Variants in KIRREL3 observed in about 807,000 individuals in gnomAD.
KIRREL3 encodes the protein kin of IRRE-like protein 3.
Under a neutral mutation model 89.7 loss-of-function variants are expected in KIRREL3, and 36 were observed. The observed-to-expected ratio is 0.40, with a 90% CI of 0.31 to 0.53. KIRREL3 has a LOEUF of 0.53. KIRREL3 is among the 20% of genes least tolerant of loss of function. The pLI, the probability that KIRREL3 is intolerant of heterozygous loss-of-function variation, is 0.49. For missense variants in KIRREL3, 864 were observed against 1,056.6 expected (o/e 0.82, Z 2.53); for synonymous variants, 445 against 441.4 (o/e 1.01, Z -0.10).
chr11:126,711,713 G>T (rs1947762588), intron 1 of KIRREL3, among the ~76,000 whole-genome samples: 2 of 152,176 alleles, frequency 1.3e-5, no homozygotes, highest in African/African-American at 2.4e-5. Flanking sequence ...GAGCTAAAAG[G>T]TCTGATTTAG....
In KIRREL3 at chr11:126,520,965, A is replaced by G. The variant is rs375964781; in HGVS notation, c.433+350T>C. ...AGAAGGGACCCACAGCCTGTGCCACATTCTTCCTGGCACGGAGCCTAGCCT... is the reference window on the plus strand; with the variant it reads ...AGAAGGGACCCACAGCCTGTGCCACGTTCTTCCTGGCACGGAGCCTAGCCT... On this transcript the variant is annotated intron_variant, in intron 4 of 16. Transcript: ENST00000525144. The surrounding 1 kb of genome is among the most constrained non-coding windows in gnomAD (Gnocchi z 4.9). Among the ~76,000 whole-genome samples, 170 of 152,292 alleles carry G rather than the reference A, an allele frequency of 1.1e-3. 1 individual carries two copies. Among genetic ancestry groups the G allele is most frequent in the African/African-American group, 4.0e-3 (165 of 41,568 alleles).
intron 1 of KIRREL3, among the ~76,000 whole-genome samples, chr11:126,815,213 C>A (rs1463856158): frequency 3.3e-5 from 5 of 152,194 alleles, no homozygotes; most frequent in Admixed American, 6.5e-5. Flanking sequence ...CCATAACAAC[C>A]TTTAGCACAC....
rs1184608251 is a variant in KIRREL3, at chr11:126,655,629, G to T, written c.56-92717C>A. On this transcript the variant is annotated intron_variant, in intron 1 of 16. Transcript: ENST00000525144. This position sits in a 1 kb window ranked among gnomAD's most constrained non-coding sequence, Gnocchi z 5.0. ...GCAGATCTGCAGTTTTCACAACGCA[G>T]TTGTCATCTCGGGAGCAGTGTGTGC... 6.6e-6 allele frequency among the ~76,000 whole-genome samples: 1 copy of T among 152,216 alleles called. No individual in the cohort carries two copies. Among genetic ancestry groups the T allele is most frequent in the Non-Finnish European group, 1.5e-5 (1 of 68,052 alleles).
intron 2 of KIRREL3, among the ~76,000 whole-genome samples, chr11:126,546,341 G>A (rs1198971394): frequency 1.3e-5 from 2 of 152,170 alleles, no homozygotes; most frequent in Non-Finnish European, 2.9e-5. Flanking sequence ...CTGGTAGATG[G>A]AATGGGGTCT....
intron 1 of KIRREL3, among the ~76,000 whole-genome samples, chr11:126,929,225 C>T (rs558525507): frequency 3.5e-4 from 54 of 152,244 alleles, no homozygotes; most frequent in South Asian, 3.3e-3. Context: ...AGGTCAAAGT[C>T]CCCAGGAAGT....
At chr11:126,923,231 CTTCTTCTTCTTCT>C (rs1947505851) in intron 1 of KIRREL3, among the ~76,000 whole-genome samples, 2 of 47,106 alleles carry the variant, frequency 4.2e-5, no homozygotes, top group Non-Finnish European at 8.7e-5. Context: ...TCTTCTTCTT[CTTCTTCTTCTTCT>C]TCTTCTTCTT....
intron 1 of KIRREL3, among the ~76,000 whole-genome samples, chr11:126,737,357 G>C (rs1191320881): frequency 6.6e-6 from 1 of 152,112 alleles, no homozygotes; most frequent in Non-Finnish European, 1.5e-5. Flanking sequence ...AGGCACAGTG[G>C]GCAGGGAGAG....
chr11:126,714,361 G>A (rs1947876529), intron 1 of KIRREL3, among the ~76,000 whole-genome samples: 1 of 152,246 alleles, frequency 6.6e-6, no homozygotes, highest in Non-Finnish European at 1.5e-5. Flanking sequence ...CCCAGGCCGA[G>A]CCCTGATACT....
rs1949905919 is a variant in KIRREL3, at chr11:126,987,653, G to C, written c.55+12802C>G. ...TGGAACCCAGGCATCAGCTGCCAAG[G>C]CTCTGTTGATATGACGGCATGTCCC... On this transcript the variant is annotated intron_variant, in intron 1 of 16. Transcript: ENST00000525144. This position sits in a 1 kb window ranked among gnomAD's most constrained non-coding sequence, Gnocchi z 4.6. 6.6e-6 allele frequency among the ~76,000 whole-genome samples: 1 copy of C among 152,186 alleles called. No individual in the cohort carries two copies. Among genetic ancestry groups the C allele is most frequent in the Admixed American group, 6.5e-5 (1 of 15,278 alleles).
At chr11:126,529,467 G>A (rs372734556) in intron 2 of KIRREL3, among the ~76,000 whole-genome samples, 12 of 152,192 alleles carry the variant, frequency 7.9e-5, no homozygotes, top group Non-Finnish European at 1.0e-4. Flanking sequence ...GGGGCTGAGC[G>A]GGAGAGGGCC....
rs1461162776 is a variant in KIRREL3 at position 126,892,703 on chromosome 11, G to A, written c.55+107752C>T. Among the ~76,000 whole-genome samples the A allele has an allele frequency of 1.3e-5, 2 of 152,188 alleles. No individual in the cohort carries two copies. The highest frequency in any genetic ancestry group is 4.8e-5 in the African/African-American group (2 of 41,446). On this transcript the variant is annotated intron_variant, in intron 1 of 16. Transcript: ENST00000525144. The surrounding 1 kb of genome is among the most constrained non-coding windows in gnomAD (Gnocchi z 5.4). Reference sequence around the variant, plus strand: ...GGTTGATTTCATCTCCAGTAGCCAAGTAGAAACTACAGCATGACCTGACTT... The same window carrying A: ...GGTTGATTTCATCTCCAGTAGCCAAATAGAAACTACAGCATGACCTGACTT...
rs796889853 is a variant in KIRREL3, at chr11:126,785,102, C to T, written c.55+215353G>A. On this transcript the variant is annotated intron_variant, in intron 1 of 16. Transcript: ENST00000525144. Reference sequence around the variant, plus strand: ...AGATGAAGTAGGGGAGAATCTTATACTAAACTCTACTGAATCCTCGTGGGG... The same window carrying T: ...AGATGAAGTAGGGGAGAATCTTATATTAAACTCTACTGAATCCTCGTGGGG... Among the ~76,000 whole-genome samples, 30 of 152,254 alleles carry T rather than the reference C, an allele frequency of 2.0e-4. 1 individual carries two copies. The highest frequency in any genetic ancestry group is 7.2e-4 in the African/African-American group (30 of 41,562).
rs1409053222 is a variant in KIRREL3, at chr11:126,443,660, G to A, written c.1252+1319C>T. Among the ~76,000 whole-genome samples, 1 of 152,126 alleles carries A rather than the reference G, an allele frequency of 6.6e-6. No homozygotes were observed. The highest frequency in any genetic ancestry group is 1.5e-5 in the Non-Finnish European group (1 of 68,016). On this transcript the variant is annotated intron_variant, in intron 10 of 16. Transcript: ENST00000525144. The surrounding 1 kb of genome is among the most constrained non-coding windows in gnomAD (Gnocchi z 7.3). Reference sequence around the variant, plus strand: ...GACAGTAGAGAGGTATGGCTGAGGAGACACCAAGCTGGTTTTGGTTTTCTA... The same window carrying A: ...GACAGTAGAGAGGTATGGCTGAGGAAACACCAAGCTGGTTTTGGTTTTCTA...
chr11:126,995,246 G>A lies in KIRREL3; in HGVS notation c.55+5209C>T. On this transcript the variant is annotated intron_variant, in intron 1 of 16. Coordinates refer to ENST00000525144, the MANE Select transcript of KIRREL3 (RefSeq NM_032531.4). The surrounding 1 kb of genome is among the most constrained non-coding windows in gnomAD (Gnocchi z 6.5). Reference sequence around the variant, plus strand: ...TGCTGGGATGTCCGCTGGCCTCGAGGCAAGACAAGAGCTCCAATCACTCTG... The same window carrying A: ...TGCTGGGATGTCCGCTGGCCTCGAGACAAGACAAGAGCTCCAATCACTCTG... 1 of 456,158 alleles carries A rather than the reference G, an allele frequency of 2.2e-6. No individual in the cohort carries two copies. Among genetic ancestry groups the A allele is most frequent in the Non-Finnish European group, 4.4e-6 (1 of 226,956 alleles). The allele number at this position is 456,158 out of a possible 1,614,324, so 28.3% of individuals were successfully genotyped here.
rs377273909 is a variant in KIRREL3 at position 126,449,049 on chromosome 11, G to A, written c.957C>T (p.Ala319=). Residue 319 remains alanine, a synonymous_variant, in exon 8 of 17, where the codon GCC becomes GCT. Transcript: ENST00000525144. ...TGCGGCTGAGGTTGGTGCTGCCCAGGGCGTTGGTCACCTCACAGGAGACGG... is the reference window on the plus strand; with the variant it reads ...TGCGGCTGAGGTTGGTGCTGCCCAGAGCGTTGGTCACCTCACAGGAGACGG... ...SEPVSCEVTN[A]LGSTNLSRTV... is the part of the protein sequence containing the mutation. The A allele has an allele frequency of 2.5e-6, 4 of 1,613,662 alleles. No homozygotes were observed. Among genetic ancestry groups the A allele is most frequent in the African/African-American group, 1.3e-5 (1 of 74,894 alleles).
At chr11:126,461,938 C>A (rs1956558107) in intron 6 of KIRREL3, among the ~76,000 whole-genome samples, 1 of 152,304 alleles carries the variant, frequency 6.6e-6, no homozygotes, top group African/African-American at 2.4e-5. Flanking sequence ...GAAGCAGCCA[C>A]CTGCTTGCAG....
rs1452648113 is a variant in KIRREL3, at chr11:126,438,557, T to C, written c.1354-1548A>G. Reference sequence around the variant, plus strand: ...TCTCCAGGCACTGCCAAATGTCCCCTGGGGCCAGTGAGAACCGCTGGCCTA... The same window carrying C: ...TCTCCAGGCACTGCCAAATGTCCCCCGGGGCCAGTGAGAACCGCTGGCCTA... On this transcript the variant is annotated intron_variant, in intron 11 of 16. Transcript: ENST00000525144. Among the ~76,000 whole-genome samples the C allele has an allele frequency of 3.9e-5, 6 of 152,304 alleles. No individual in the cohort carries two copies. The South Asian group carries it at 1.0e-3, about 26-fold the overall frequency.
intron 1 of KIRREL3, among the ~76,000 whole-genome samples, chr11:126,660,228 C>T (rs1945333251): frequency 1.3e-5 from 2 of 152,064 alleles, no homozygotes; most frequent in African/African-American, 2.4e-5. Flanking sequence ...CTGTAAATAC[C>T]CTGGGGATCA....
At chr11:126,731,962 A>G (rs1948633228) in intron 1 of KIRREL3, among the ~76,000 whole-genome samples, 1 of 152,256 alleles carries the variant, frequency 6.6e-6, no homozygotes, top group Non-Finnish European at 1.5e-5. Flanking sequence ...CTGTGCCCCC[A>G]GCAGCAAAGA....
Sources: allele counts gnomAD v4.1 joint callset (sites outside exome capture counted in the v4.1 genomes callset), GRCh38; gene constraint gnomAD v4.1.1; non-coding constraint Gnocchi (gnomAD v3.1); transcripts MANE v1.5; gene names NCBI Gene and HGNC (gene_info 2026-07-23, HGNC 2026-07-21).